Variants in CCSER1 observed in about 807,000 individuals in gnomAD.
CCSER1 encodes the protein serine-rich coiled-coil domain-containing protein 1.
Under a neutral mutation model 82.0 loss-of-function variants are expected in CCSER1, and 41 were observed. The ratio of observed to expected loss-of-function variants is 0.50; its 90% CI spans 0.39 to 0.65. The LOEUF is 0.65. Ranked by LOEUF, CCSER1 falls within the 30% of genes least tolerant of loss-of-function variation. The pLI, the probability that CCSER1 is intolerant of heterozygous loss-of-function variation, is 0.00. For synonymous variants in CCSER1, 414 were observed against 383.9 expected (o/e 1.08, Z -0.92); for missense variants, 1,119 against 1,064.2 (o/e 1.05, Z -0.72).
chr4:90,722,880 TAAG>T (rs1742916580), intron 6 of CCSER1, among the ~76,000 whole-genome samples: 1 of 152,086 alleles, frequency 6.6e-6, no homozygotes, highest in South Asian at 2.1e-4. Context: ...AGAAAGTCTC[TAAG>T]AATAAGTAGC....
chr4:90,228,300 A>G (rs557895823), intron 1 of CCSER1, among the ~76,000 whole-genome samples: 1 of 152,216 alleles, frequency 6.6e-6, no homozygotes, highest in Non-Finnish European at 1.5e-5. Context: ...TGCCTCCTCA[A>G]GTGGGTCCCT....
intron 10 of CCSER1, among the ~76,000 whole-genome samples, chr4:91,195,192 C>T (rs1735311592): frequency 6.6e-6 from 1 of 152,082 alleles, no homozygotes; most frequent in Non-Finnish European, 1.5e-5. Flanking sequence ...TTAAGTGATT[C>T]AAAACATTGA....
chr4:90,608,549 G>A (rs1277063527), intron 5 of CCSER1, among the ~76,000 whole-genome samples: 3 of 152,016 alleles, frequency 2.0e-5, no homozygotes, highest in African/African-American at 7.2e-5. Flanking sequence ...TATACACCAG[G>A]GAGTGGAATC....
At chr4:90,827,419 C>T (rs963779052) in intron 8 of CCSER1, among the ~76,000 whole-genome samples, 2 of 152,082 alleles carry the variant, frequency 1.3e-5, no homozygotes, top group Admixed American at 6.6e-5. Context: ...TTAGGAGAGT[C>T]AAGGTGGGGT....
chr4:90,559,756 G>A (rs1450553038), intron 5 of CCSER1, among the ~76,000 whole-genome samples: 1 of 142,514 alleles, frequency 7.0e-6, no homozygotes, highest in African/African-American at 2.7e-5. Flanking sequence ...CTTGCAGTGC[G>A]CCGAGATCGC....
At chr4:90,730,838 G>C (rs1288163335) in intron 7 of CCSER1, among the ~76,000 whole-genome samples, 1 of 152,132 alleles carries the variant, frequency 6.6e-6, no homozygotes, top group Non-Finnish European at 1.5e-5. Flanking sequence ...ATTGTGTTTG[G>C]AGTAGAATGA....
At chr4:91,392,233 G>T (rs1751695271) in intron 10 of CCSER1, among the ~76,000 whole-genome samples, 1 of 151,880 alleles carries the variant, frequency 6.6e-6, no homozygotes, top group African/African-American at 2.4e-5. Context: ...ACTGAAAATA[G>T]CAGGATATTT....
chr4:91,293,348 A>G (rs1278289363), intron 10 of CCSER1, among the ~76,000 whole-genome samples: 2 of 151,990 alleles, frequency 1.3e-5, no homozygotes, highest in Non-Finnish European at 2.9e-5. Flanking sequence ...TACAGCAACC[A>G]CTTAATTGAG....
At chr4:90,445,219 G>A (rs535907019) in intron 4 of CCSER1, among the ~76,000 whole-genome samples, 3 of 151,978 alleles carry the variant, frequency 2.0e-5, no homozygotes, top group African/African-American at 7.2e-5. Flanking sequence ...TACTCACATT[G>A]TTTTCATACC....
chr4:90,304,948 ACT>A (rs1392388488), intron 1 of CCSER1, among the ~76,000 whole-genome samples: 4 of 150,196 alleles, frequency 2.7e-5, no homozygotes, highest in Non-Finnish European at 5.9e-5. Context: ...ACAGAGTGTC[ACT>A]CTGTCCACCC....
chr4:90,457,830 C>G (rs1606037), intron 4 of CCSER1, among the ~76,000 whole-genome samples: 2,943 of 152,264 alleles, frequency 0.019, 85 homozygotes, highest in African/African-American at 0.067. Context: ...GGACCCACCT[C>G]TTTCCACCCA....
chr4:91,345,831 A>G (rs1748018136), intron 10 of CCSER1, among the ~76,000 whole-genome samples: 1 of 151,908 alleles, frequency 6.6e-6, no homozygotes, highest in African/African-American at 2.4e-5. Context: ...GTGCTCTCCT[A>G]TTCATCCTTT....
At chr4:90,534,043 G>A (rs1198946946) in intron 5 of CCSER1, among the ~76,000 whole-genome samples, 2 of 152,212 alleles carry the variant, frequency 1.3e-5, no homozygotes, top group Non-Finnish European at 2.9e-5. Context: ...TTGTACAATT[G>A]AATGAAATAT....
chr4:90,656,615 C>T (rs1445708020), intron 6 of CCSER1, among the ~76,000 whole-genome samples: 1 of 151,764 alleles, frequency 6.6e-6, no homozygotes, highest in African/African-American at 2.4e-5. Context: ...TCCTTTTTAT[C>T]TTTTAATTGG....
chr4:91,448,812 A>G, intron 10 of CCSER1, among the ~76,000 whole-genome samples: 1 of 152,006 alleles, frequency 6.6e-6, no homozygotes, highest in Non-Finnish European at 1.5e-5. Context: ...ACAACAGGGG[A>G]AAAAAATGCA....
At chr4:91,008,795 T>C (rs1011464902) in intron 9 of CCSER1, among the ~76,000 whole-genome samples, 1 of 152,254 alleles carries the variant, frequency 6.6e-6, no homozygotes, top group Non-Finnish European at 1.5e-5. Context: ...GATTCCAAAA[T>C]GGCAGCAGGC....
At chr4:90,398,741 A>C (rs1234080248) in intron 3 of CCSER1, among the ~76,000 whole-genome samples, 1 of 152,158 alleles carries the variant, frequency 6.6e-6, no homozygotes, top group Admixed American at 6.5e-5. Flanking sequence ...TTTATAGTTT[A>C]AGTTATTCAT....
intron 10 of CCSER1, among the ~76,000 whole-genome samples, chr4:91,397,551 G>C (rs1013801266): frequency 6.6e-6 from 1 of 151,822 alleles, no homozygotes; most frequent in African/African-American, 2.4e-5. Flanking sequence ...TATTTGTCTA[G>C]TTATCTAGTT....
intron 10 of CCSER1, among the ~76,000 whole-genome samples, chr4:91,288,012 G>T (rs1479516423): frequency 1.3e-5 from 1 of 74,928 alleles, no homozygotes; most frequent in Non-Finnish European, 3.1e-5. Flanking sequence ...CATTTTCTTT[G>T]ATATATAAAC....
Sources: allele counts gnomAD v4.1 joint callset (sites outside exome capture counted in the v4.1 genomes callset), GRCh38; gene constraint gnomAD v4.1.1; transcripts MANE v1.5; gene names NCBI Gene and HGNC (gene_info 2026-07-23, HGNC 2026-07-21).